The following KCNQ3 variants were observed in gnomAD, a reference collection of about 807,000 sequenced individuals.
The protein encoded by KCNQ3 is potassium voltage-gated channel subfamily KQT member 3.
A neutral mutation model predicts 92.5 loss-of-function variants in KCNQ3; 30 were observed. That is an observed-to-expected ratio of 0.32 (90% confidence interval 0.24 to 0.44). The LOEUF is 0.44. KCNQ3 is among the 20% of genes least tolerant of loss of function. The probability of loss-of-function intolerance (pLI) is 1.00; values close to 1 mark genes in which losing one functional copy is unlikely to be tolerated. For synonymous variants in KCNQ3, 450 were observed against 468.8 expected, an observed-to-expected ratio of 0.96 and a Z score of 0.52; for missense variants, 913 against 1,140.3, an observed-to-expected ratio of 0.80 and a Z score of 2.87.
Position 132,136,862 on chromosome 8 carries a change from C to CTT in KCNQ3, c.1700+1021_1700+1022dup, listed in dbSNP as rs34845943. On this transcript the variant is annotated intron_variant, in intron 12 of 14. Coordinates refer to ENST00000388996, the MANE Select transcript of KCNQ3 (RefSeq NM_004519.4). ...TAAATATTATTTTACGGCTGCATAA[C>CTT]TTTTTTTTTTTTTTTTTTTGAGATG... 3.6e-3 allele frequency among the ~76,000 whole-genome samples: 445 copies of CTT among 123,356 alleles called. 1 individual carries two copies. Among genetic ancestry groups the CTT allele is most frequent in the Non-Finnish European group, 5.2e-3 (312 of 59,802 alleles). The allele number at this position is 123,356 out of a possible 152,430, so 80.9% of individuals were successfully genotyped here. A position where few individuals can be genotyped will look rare whatever the true frequency, so the allele number is the denominator to read the frequency against.
At chr8:132,162,623 C>G (rs1826024926) in intron 9 of KCNQ3, among the ~76,000 whole-genome samples, 1 of 152,126 alleles carries the variant, frequency 6.6e-6, no homozygotes, top group South Asian at 2.1e-4. Flanking sequence ...CTAAGTGGGT[C>G]CAGGAAAGAA....
chr8:132,154,511 T>C (rs896681080), intron 9 of KCNQ3, among the ~76,000 whole-genome samples: 5 of 152,160 alleles, frequency 3.3e-5, no homozygotes, highest in Non-Finnish European at 7.3e-5. Flanking sequence ...TCTTCATCCT[T>C]ATCCTTATCC....
intron 1 of KCNQ3, among the ~76,000 whole-genome samples, chr8:132,290,504 A>G (rs1816808347): frequency 6.6e-6 from 1 of 152,176 alleles, no homozygotes; most frequent in Non-Finnish European, 1.5e-5. Context: ...TTTCAAATGA[A>G]TGAAGCAAGA....
intron 1 of KCNQ3, among the ~76,000 whole-genome samples, chr8:132,289,390 T>G (rs1213154766): frequency 6.6e-6 from 1 of 152,204 alleles, no homozygotes; most frequent in Admixed American, 6.5e-5. Context: ...TGAAAAGAGT[T>G]GCCAGCAGAG....
At chr8:132,194,490 ATT>A (rs1169920356) in intron 1 of KCNQ3, among the ~76,000 whole-genome samples, 1 of 152,162 alleles carries the variant, frequency 6.6e-6, no homozygotes, top group African/African-American at 2.4e-5. Flanking sequence ...TTGACAAATC[ATT>A]TTTTATCTTG....
chr8:132,346,529 C>T (rs1436767963), intron 1 of KCNQ3, among the ~76,000 whole-genome samples: 1 of 152,226 alleles, frequency 6.6e-6, no homozygotes, highest in Non-Finnish European at 1.5e-5. Flanking sequence ...CTCCACCACT[C>T]TCCATCACAG....
At chr8:132,130,021 T>G in intron 14 of KCNQ3, 25 bp from the exon 15 acceptor site, 1 of 1,611,194 alleles carries the variant, frequency 6.2e-7, no homozygotes, top group Non-Finnish European at 8.5e-7. Flanking sequence ...GAGCTGTGAA[T>G]TACCACTTTC....
intron 1 of KCNQ3, among the ~76,000 whole-genome samples, chr8:132,411,330 C>G (rs1820645834): frequency 6.6e-6 from 1 of 152,122 alleles, no homozygotes; most frequent in Non-Finnish European, 1.5e-5. Flanking sequence ...GGGGACGCAG[C>G]AGTGAGTAGT....
chr8:132,126,625 T>G lies in KCNQ3; in HGVS notation c.*2637A>C, dbSNP rs1296495072. The G allele has an allele frequency of 6.6e-6, 1 of 152,086 alleles. No homozygotes were observed. The highest frequency in any genetic ancestry group is 1.5e-5 in the Non-Finnish European group (1 of 68,026). 9.4% of individuals were successfully genotyped at this position (152,086 alleles called of 1,614,324 possible). ...CTATGTCTATACTGATAAAGACAACTTACTAGATGTTAGACAATCAATACT... is the reference window on the plus strand; with the variant it reads ...CTATGTCTATACTGATAAAGACAACGTACTAGATGTTAGACAATCAATACT... On this transcript the variant is annotated 3_prime_UTR_variant, in exon 15 of 15. Transcript: ENST00000388996.
intron 1 of KCNQ3, among the ~76,000 whole-genome samples, chr8:132,219,947 G>A (rs1814166860): frequency 6.6e-6 from 1 of 151,914 alleles, no homozygotes; most frequent in Non-Finnish European, 1.5e-5. Flanking sequence ...CATTCCTGAG[G>A]TCCCCCAGAA....
At chr8:132,380,389 G>A (rs1819715516) in intron 1 of KCNQ3, among the ~76,000 whole-genome samples, 1 of 152,180 alleles carries the variant, frequency 6.6e-6, no homozygotes, top group African/African-American at 2.4e-5. Flanking sequence ...ATGGTCACCT[G>A]CATAGATAGG....
chr8:132,217,727 A>AAC (rs1442084660), intron 1 of KCNQ3, among the ~76,000 whole-genome samples: 3 of 151,402 alleles, frequency 2.0e-5, no homozygotes, highest in African/African-American at 4.9e-5. Flanking sequence ...AAAAAAAAAA[A>AAC]AAACAAAACA....
intron 1 of KCNQ3, among the ~76,000 whole-genome samples, chr8:132,403,824 CTGGTGG>C (rs1455912221): frequency 6.6e-6 from 1 of 152,190 alleles, no homozygotes; most frequent in African/African-American, 2.4e-5. Context: ...TGTCACTAGT[CTGGTGG>C]ATCCTGCAGA....
At chr8:132,153,741 C>CT (rs1428206351) in intron 9 of KCNQ3, among the ~76,000 whole-genome samples, 1 of 152,136 alleles carries the variant, frequency 6.6e-6, no homozygotes, top group Non-Finnish European at 1.5e-5. Context: ...CAAGCCCCCC[C>CT]CCCATTAACA....
chr8:132,416,372 A>T (rs1820807576), intron 1 of KCNQ3, among the ~76,000 whole-genome samples: 1 of 152,186 alleles, frequency 6.6e-6, no homozygotes. Flanking sequence ...TCATACCTGT[A>T]ATCCTAGCAC....
At chr8:132,455,484 G>A (rs1821918700) in intron 1 of KCNQ3, among the ~76,000 whole-genome samples, 1 of 152,214 alleles carries the variant, frequency 6.6e-6, no homozygotes, top group East Asian at 1.9e-4. Flanking sequence ...AGAGGCCTAT[G>A]CTTCTTCTTG....
intron 1 of KCNQ3, among the ~76,000 whole-genome samples, 182 bp downstream of exon 1, chr8:132,479,964 AC>A (rs1467636803): frequency 6.6e-6 from 1 of 150,632 alleles, no homozygotes; most frequent in African/African-American, 2.4e-5. Flanking sequence ...ACACACACAC[AC>A]ACACACACAC....
At chr8:132,134,464 C>T (rs1825004155) in intron 12 of KCNQ3, 76 bp from the exon 13 acceptor site, 14 of 1,022,324 alleles carry the variant, frequency 1.4e-5, no homozygotes, top group Non-Finnish European at 2.1e-5. Context: ...ATTCTATTCT[C>T]TCTAGAATGA....
chr8:132,417,400 G>T (rs146173338), intron 1 of KCNQ3, among the ~76,000 whole-genome samples: 1 of 152,140 alleles, frequency 6.6e-6, no homozygotes, highest in African/African-American at 2.4e-5. Context: ...TCTCCTGCTG[G>T]TTCCTCCTAT....
Sources: allele counts gnomAD v4.1 joint callset (sites outside exome capture counted in the v4.1 genomes callset), GRCh38; gene constraint gnomAD v4.1.1; transcripts MANE v1.5; gene names NCBI Gene and HGNC (gene_info 2026-07-23, HGNC 2026-07-21).